EPB41L4A: variants seen among roughly 807,000 people sequenced by gnomAD.
The protein encoded by EPB41L4A is band 4.1-like protein 4A.
Under a neutral mutation model 108.6 loss-of-function variants are expected in EPB41L4A, and 100 were observed. The observed-to-expected ratio is 0.92, with a 90% CI of 0.78 to 1.09. The LOEUF is 1.09. Among genes scored for constraint, EPB41L4A ranks in the 50% least tolerant of loss-of-function variants. EPB41L4A has a pLI of 0.00. For missense variants in EPB41L4A, 1,030 were observed against 842.7 expected (o/e 1.22, Z -2.75); for synonymous variants, 319 against 289.0 (o/e 1.10, Z -1.05).
At chr5:112,161,426 C>T (rs1200072058), downstream of EPB41L4A, 2 of 467,620 alleles carry the variant, frequency 4.3e-6, no homozygotes, top group South Asian at 1.5e-5. Flanking sequence ...AGGCTGTAAT[C>T]GGCATTACTG....
intron 1 of EPB41L4A, among the ~76,000 whole-genome samples, chr5:112,392,185 G>C (rs1404889484): frequency 6.6e-6 from 1 of 152,032 alleles, no homozygotes; most frequent in Non-Finnish European, 1.5e-5. Context: ...AAACTAACCA[G>C]CTAACATCAT....
Position 112,343,705 on chromosome 5 carries a change from TGAGTAG to T in EPB41L4A, c.100-36221_100-36216del, listed in dbSNP as rs145582307. On this transcript the variant is annotated intron_variant, in intron 1 of 22. Coordinates refer to ENST00000261486, the MANE Select transcript of EPB41L4A (RefSeq NM_022140.5). ...AACCTTCACAAAATAATCTATCAAA[TGAGTAG>T]GAGTATCTAGCAAGAATAAAAATCC... is the stretch of plus-strand genomic sequence containing the variant. Among the ~76,000 whole-genome samples, 1,058 of 151,946 alleles carry T rather than the reference TGAGTAG, an allele frequency of 7.0e-3. 9 individuals are homozygous for T. The highest frequency in any genetic ancestry group is 0.024 in the African/African-American group (1,011 of 41,438).
intron 2 of EPB41L4A, among the ~76,000 whole-genome samples, chr5:112,299,696 A>C (rs1405569003): frequency 6.6e-6 from 1 of 152,120 alleles, no homozygotes; most frequent in Non-Finnish European, 1.5e-5. Context: ...GTATAGCTTA[A>C]ATCCATTGTT....
At chr5:112,345,831 A>G (rs1561591515) in intron 1 of EPB41L4A, among the ~76,000 whole-genome samples, 1 of 151,362 alleles carries the variant, frequency 6.6e-6, no homozygotes. Flanking sequence ...ACGCACACAT[A>G]AAGCCCCAGC....
At position 112,320,947 on chromosome 5, in the gene EPB41L4A, T is replaced by G. The variant is rs6875349; in HGVS notation, c.100-13457A>C. 9.1e-3 allele frequency among the ~76,000 whole-genome samples: 1,387 copies of G among 152,158 alleles called. 35 individuals are homozygous for G. Among genetic ancestry groups the G allele is most frequent in the South Asian group, 0.056 (269 of 4,818 alleles). On this transcript the variant is annotated intron_variant, in intron 1 of 22. Coordinates refer to ENST00000261486, the MANE Select transcript of EPB41L4A (RefSeq NM_022140.5). ...TCCCCAACCCATGAATGTGTCTGAG[T>G]TGGCGCCCCCACTGTGAGGGGCCAA...
chr5:112,401,055 A>T (rs1418460330), intron 1 of EPB41L4A, among the ~76,000 whole-genome samples: 1 of 152,312 alleles, frequency 6.6e-6, no homozygotes, highest in Admixed American at 6.5e-5. Flanking sequence ...AAGAACAAAC[A>T]GCTTCACTCT....
rs1039470109 is a variant in EPB41L4A, at chr5:112,382,434, C to T, written c.99+36507G>A. The stretch of plus-strand genomic sequence containing the variant: ...AAGACTGCAGCCCAGAGTGGAGGCT[C>T]ACATCCATCCTTGGGAATGGCCAAT... On this transcript the variant is annotated intron_variant, in intron 1 of 22. Transcript: ENST00000261486. 2.6e-5 allele frequency among the ~76,000 whole-genome samples: 4 copies of T among 152,214 alleles called. No homozygotes were observed. The East Asian group carries it at 7.7e-4, about 29-fold the overall frequency.
chr5:112,315,463 C>T (rs548725539), intron 1 of EPB41L4A, among the ~76,000 whole-genome samples: 1 of 152,172 alleles, frequency 6.6e-6, no homozygotes, highest in African/African-American at 2.4e-5. Context: ...ATAAATTGAA[C>T]CTTTCTTCCT....
chr5:112,416,365 T>C (rs1762720238), intron 1 of EPB41L4A, among the ~76,000 whole-genome samples: 1 of 152,088 alleles, frequency 6.6e-6, no homozygotes, highest in African/African-American at 2.4e-5. Context: ...CAAGTAACCA[T>C]TTAGGAATCA....
At chr5:112,262,814 A>G (rs1751586919) in intron 6 of EPB41L4A, among the ~76,000 whole-genome samples, 1 of 152,222 alleles carries the variant, frequency 6.6e-6, no homozygotes, top group Admixed American at 6.5e-5. Context: ...ATTATAGCCT[A>G]TCCCCAATGT....
At chr5:112,285,910 G>A (rs1458849816) in intron 2 of EPB41L4A, among the ~76,000 whole-genome samples, 1 of 152,048 alleles carries the variant, frequency 6.6e-6, no homozygotes, top group Non-Finnish European at 1.5e-5. Flanking sequence ...TTATAAATGA[G>A]GAAACTGAAA....
chr5:112,361,250 G>A (rs760197252), intron 1 of EPB41L4A, among the ~76,000 whole-genome samples: 4 of 152,152 alleles, frequency 2.6e-5, no homozygotes, highest in Non-Finnish European at 4.4e-5. Context: ...AACATGTGCT[G>A]TGTCCACTAA....
intron 12 of EPB41L4A, among the ~76,000 whole-genome samples, chr5:112,230,610 G>A (rs570173584): frequency 2.6e-5 from 4 of 152,138 alleles, no homozygotes; most frequent in South Asian, 4.1e-4. Flanking sequence ...TCAGTTCCTC[G>A]TAGATTCTGG....
chr5:112,304,825 T>C (rs1366064291), intron 2 of EPB41L4A, among the ~76,000 whole-genome samples: 1 of 152,174 alleles, frequency 6.6e-6, no homozygotes, highest in Non-Finnish European at 1.5e-5. Context: ...AAGCATTTTA[T>C]TGTCAATTTA....
intron 2 of EPB41L4A, among the ~76,000 whole-genome samples, chr5:112,285,150 T>C (rs1287883358): frequency 6.6e-6 from 1 of 152,056 alleles, no homozygotes; most frequent in African/African-American, 2.4e-5. Flanking sequence ...TCACCCAGAG[T>C]CCAATGCTGA....
chr5:112,242,109 T>C (rs1749834834), intron 9 of EPB41L4A, among the ~76,000 whole-genome samples: 1 of 152,200 alleles, frequency 6.6e-6, no homozygotes. Context: ...TATATCAATT[T>C]CTTAAAATGA....
chr5:112,362,181 G>A (rs1420893085), intron 1 of EPB41L4A, among the ~76,000 whole-genome samples: 1 of 151,702 alleles, frequency 6.6e-6, no homozygotes. Flanking sequence ...ATAGCTCACA[G>A]CAGCCTTGAA....
intron 9 of EPB41L4A, among the ~76,000 whole-genome samples, chr5:112,248,461 A>C (rs531803764): frequency 5.3e-5 from 8 of 152,200 alleles, no homozygotes; most frequent in Admixed American, 1.3e-4. Flanking sequence ...TGGTCATTTC[A>C]TACCAGAAGC....
At chr5:112,180,775 G>A (rs1761106052) in intron 18 of EPB41L4A, among the ~76,000 whole-genome samples, 2 of 151,826 alleles carry the variant, frequency 1.3e-5, no homozygotes, top group African/African-American at 4.8e-5. Flanking sequence ...GCAAACCACA[G>A]CCTGGGAGAA....
Sources: gnomAD v4.1 joint callset for allele counts (sites outside exome capture counted in the v4.1 genomes callset) on GRCh38, gnomAD v4.1.1 for gene constraint, MANE v1.5 for transcripts, NCBI Gene and HGNC (gene_info 2026-07-23, HGNC 2026-07-21) for gene names.